ADARB2: variants seen among roughly 807,000 people sequenced by gnomAD.
The protein encoded by ADARB2 is adenosine deaminase RNA specific B2 (inactive).
In ADARB2, 25 loss-of-function variants were observed where a neutral mutation model predicts 62.2. The ratio of observed to expected loss-of-function variants is 0.40; its 90% CI spans 0.29 to 0.56. The LOEUF is 0.56. Ranked by LOEUF, ADARB2 falls within the 20% of genes least tolerant of loss-of-function variation. The probability of loss-of-function intolerance (pLI) is 0.43; values close to 1 mark genes in which losing one functional copy is unlikely to be tolerated. For missense variants in ADARB2, 1,071 were observed against 1,077.4 expected (o/e 0.99, Z 0.08); for synonymous variants, 572 against 500.8 (o/e 1.14, Z -1.90).
chr10:1,377,124 G>T (rs1370846139), intron 2 of ADARB2, among the ~76,000 whole-genome samples: 1 of 132,616 alleles, frequency 7.5e-6, no homozygotes, highest in African/African-American at 2.9e-5. Context: ...TGTGTGTGCG[G>T]TGCGTCCCTG....
chr10:1,614,475 G>C lies in ADARB2; in HGVS notation c.100+122576C>G, dbSNP rs1456081335. Among the ~76,000 whole-genome samples the C allele has an allele frequency of 3.9e-5, 6 of 152,210 alleles. No homozygotes were observed. In the East Asian group the frequency reaches 9.6e-4, roughly 24 times the overall value. ...AAGTTCACCAAACATGGGAGATGTT[G>C]CTCTCAGGGTTTATAACGAGTGAAA... On this transcript the variant is annotated intron_variant, in intron 1 of 9. Transcript: ENST00000381312.
At chr10:1,211,610 T>G (rs143041165) in intron 7 of ADARB2, among the ~76,000 whole-genome samples, 3 of 152,362 alleles carry the variant, frequency 2.0e-5, no homozygotes, top group Non-Finnish European at 2.9e-5. Context: ...CATGGTATGC[T>G]GCTCACAGTC....
intron 1 of ADARB2, among the ~76,000 whole-genome samples, chr10:1,442,652 C>T (rs1454942618): frequency 1.3e-5 from 2 of 152,164 alleles, no homozygotes; most frequent in Non-Finnish European, 2.9e-5. Flanking sequence ...GAGAGTGAGA[C>T]ACTGTTCTTA....
At chr10:1,658,406 A>G (rs1875013) in intron 1 of ADARB2, among the ~76,000 whole-genome samples, 10 of 148,520 alleles carry the variant, frequency 6.7e-5, no homozygotes, top group African/African-American at 2.5e-4. Context: ...CTCTGTCTCT[A>G]TCTGATACTG....
At chr10:1,632,463 A>G (rs1833855389) in intron 1 of ADARB2, among the ~76,000 whole-genome samples, 1 of 152,228 alleles carries the variant, frequency 6.6e-6, no homozygotes, top group Non-Finnish European at 1.5e-5. Context: ...ACACATGTGC[A>G]CACACATGCA....
At chr10:1,607,351 G>T (rs1262916229) in intron 1 of ADARB2, among the ~76,000 whole-genome samples, 1 of 152,144 alleles carries the variant, frequency 6.6e-6, no homozygotes, top group Non-Finnish European at 1.5e-5. Context: ...ATTTAGGCTG[G>T]GACAGAGGTC....
Position 1,737,158 on chromosome 10 carries a change from A to T in ADARB2, c.-8T>A, listed in dbSNP as rs1193243544. On this transcript the variant is annotated 5_prime_UTR_variant, in exon 1 of 10. Coordinates refer to ENST00000381312, the MANE Select transcript of ADARB2 (RefSeq NM_018702.4). ...CCCCAGGACCGAGGCCATGGCCGAG[A>T]CCCAGGCGCGGAGCCCAGAGCCGCC... The T allele has an allele frequency of 6.2e-7, 1 of 1,604,678 alleles. No homozygotes were observed. Among genetic ancestry groups the T allele is most frequent in the Non-Finnish European group, 8.5e-7 (1 of 1,179,750 alleles).
chr10:1,349,834 C>A (rs915021566), intron 3 of ADARB2, among the ~76,000 whole-genome samples: 2 of 152,108 alleles, frequency 1.3e-5, no homozygotes, highest in Admixed American at 1.3e-4. Flanking sequence ...CCACTGATGT[C>A]TGATCTCCGT....
intron 1 of ADARB2, among the ~76,000 whole-genome samples, chr10:1,552,699 C>T (rs370896175): frequency 1.4e-5 from 2 of 142,010 alleles, no homozygotes; most frequent in East Asian, 2.1e-4. Flanking sequence ...CATCTATTGG[C>T]GACAGGAGGA....
At chr10:1,241,541 C>G (rs577603916) in intron 5 of ADARB2, among the ~76,000 whole-genome samples, 1 of 152,162 alleles carries the variant, frequency 6.6e-6, no homozygotes, top group South Asian at 2.1e-4. Flanking sequence ...GGGTGTGTCG[C>G]GGAGGCCACG....
chr10:1,239,605 C>T (rs1554747031), intron 5 of ADARB2, among the ~76,000 whole-genome samples: 1 of 7,662 alleles, frequency 1.3e-4, no homozygotes, highest in Non-Finnish European at 2.2e-4. Flanking sequence ...CTCCCCTCTG[C>T]CTCCCGGTGT....
chr10:1,726,919 A>G lies in ADARB2; in HGVS notation c.100+10132T>C, dbSNP rs77306508. ...GACAGCGAGGGCGCCCATCTTCAAC[A>G]GAGACCACGGAGAAGGCAAACCACA... On this transcript the variant is annotated intron_variant, in intron 1 of 9. Coordinates refer to ENST00000381312, the MANE Select transcript of ADARB2 (RefSeq NM_018702.4). Among the ~76,000 whole-genome samples the G allele has an allele frequency of 7.6e-3, 1,165 of 152,294 alleles. 56 individuals are homozygous for G. In the East Asian group the frequency reaches 0.12, roughly 16 times the overall value.
chr10:1,516,349 G>T (rs1832008882), intron 1 of ADARB2, among the ~76,000 whole-genome samples: 1 of 152,236 alleles, frequency 6.6e-6, no homozygotes, highest in Non-Finnish European at 1.5e-5. Flanking sequence ...AACAGAGGCG[G>T]CTTTCCCTGC....
chr10:1,292,960 G>GAC (rs1221229294), intron 3 of ADARB2: 12 of 22,410 alleles, frequency 5.4e-4, no homozygotes. Flanking sequence ...GGGAAGGAGA[G>GAC]AGAGGGAGAG....
intron 1 of ADARB2, among the ~76,000 whole-genome samples, chr10:1,383,965 A>C (rs1832505320): frequency 1.3e-5 from 2 of 152,110 alleles, no homozygotes. Context: ...TCTATGTTTC[A>C]TTTATCCTAT....
At chr10:1,395,986 C>A (rs1400089742) in intron 1 of ADARB2, among the ~76,000 whole-genome samples, 2 of 152,224 alleles carry the variant, frequency 1.3e-5, no homozygotes, top group Non-Finnish European at 2.9e-5. Flanking sequence ...CCGGACTGAG[C>A]CACATTGTCT....
At chr10:1,301,192 C>T (rs1259468828) in intron 3 of ADARB2, among the ~76,000 whole-genome samples, 1 of 152,208 alleles carries the variant, frequency 6.6e-6, no homozygotes, top group Non-Finnish European at 1.5e-5. Context: ...AACAGGTCCA[C>T]ACGGTTATGG....
In ADARB2 at chr10:1,183,216, G is replaced by C; in HGVS notation, c.2197C>G (p.Gln733Glu). The C allele has an allele frequency of 6.2e-7, 1 of 1,613,534 alleles. No individual in the cohort carries two copies. The highest frequency in any genetic ancestry group is 8.5e-7 in the Non-Finnish European group (1 of 1,179,994). ...GCCTAGAGAGTCAGTAGAAACTGCTGCTGCTCCGGTGGTTTCCTCACCCAG... is the reference window on the plus strand; with the variant it reads ...GCCTAGAGAGTCAGTAGAAACTGCTCCTGCTCCGGTGGTTTCCTCACCCAG... ...GTWVRKPPEQ[Q>E]QFLLTL The change falls in exon 10 of 10, where the codon CAG becomes GAG. Residue 733 changes from glutamine (Q) to glutamate (E), a missense_variant. Coordinates refer to ENST00000381312, the MANE Select transcript of ADARB2 (RefSeq NM_018702.4).
intron 1 of ADARB2, among the ~76,000 whole-genome samples, chr10:1,518,434 G>A (rs548426838): frequency 6.0e-4 from 91 of 152,310 alleles, no homozygotes; most frequent in African/African-American, 2.0e-3. Flanking sequence ...CTGTGAGGAC[G>A]GAGCTCTGCA....
Sources: gnomAD v4.1 joint callset for allele counts (sites outside exome capture counted in the v4.1 genomes callset) on GRCh38, gnomAD v4.1.1 for gene constraint, MANE v1.5 for transcripts, NCBI Gene and HGNC (gene_info 2026-07-23, HGNC 2026-07-21) for gene names.